ABCB11: variants seen among roughly 807,000 people sequenced by gnomAD.
ABCB11 encodes the protein bile salt export pump.
A neutral mutation model predicts 148.0 loss-of-function variants in ABCB11; 95 were observed. That is an observed-to-expected ratio of 0.64 (90% CI 0.54 to 0.76). The LOEUF is 0.76. ABCB11 is among the 30% of genes least tolerant of loss of function. The pLI, the probability that ABCB11 is intolerant of heterozygous loss-of-function variation, is 0.00. For missense variants in ABCB11, 1,523 were observed against 1,617.8 expected, an observed-to-expected ratio of 0.94 and a Z score of 1.01; for synonymous variants, 591 against 555.4, an observed-to-expected ratio of 1.06 and a Z score of -0.90.
chr2:168,956,827 G>A (rs548737331), intron 19 of ABCB11, among the ~76,000 whole-genome samples: 1 of 151,720 alleles, frequency 6.6e-6, no homozygotes, highest in African/African-American at 2.4e-5. Context: ...AAAGGCCCTA[G>A]TGGGTCAAGG....
rs369104228 is a variant in ABCB11 at position 168,923,832 on chromosome 2, G to A, written c.3766-10C>T. On this transcript the variant is annotated splice_polypyrimidine_tract_variant and intron_variant, in intron 27 of 27. Transcript: ENST00000650372. ...GAGCAACCTGCACCGTCTGCAAAGA[G>A]AAGATGGAAAGTTGATGCAAAGATG... is the stretch of plus-strand genomic sequence containing the variant. 1.1e-5 allele frequency: 18 copies of A among 1,613,606 alleles called. 1 individual carries two copies. The highest frequency in any genetic ancestry group is 9.9e-5 in the South Asian group (9 of 91,064).
chr2:168,937,849 A>C (rs759145350), intron 21 of ABCB11, among the ~76,000 whole-genome samples: 5 of 152,220 alleles, frequency 3.3e-5, no homozygotes, highest in Admixed American at 6.5e-5. Flanking sequence ...TTCAGTCCCA[A>C]TATAGATGGA....
chr2:168,920,035 T>A (rs1441772139), downstream of ABCB11, among the ~76,000 whole-genome samples: 3 of 152,072 alleles, frequency 2.0e-5, no homozygotes, highest in African/African-American at 7.2e-5. Context: ...AATTTTTGCT[T>A]TTCTTTTTTT....
At chr2:168,968,914 G>C (rs1192187943) in intron 16 of ABCB11, among the ~76,000 whole-genome samples, 2 of 151,832 alleles carry the variant, frequency 1.3e-5, no homozygotes, top group African/African-American at 4.8e-5. Context: ...AGAGTGGTTG[G>C]TTAATTTAGA....
downstream of ABCB11, among the ~76,000 whole-genome samples, chr2:168,916,083 C>T (rs771608367): frequency 2.0e-5 from 3 of 152,198 alleles, no homozygotes; most frequent in Non-Finnish European, 2.9e-5. Context: ...TAAATTTTCA[C>T]CTTCCAAGAA....
In ABCB11 at chr2:168,935,508, G is replaced by T. The variant is rs1471587618; in HGVS notation, c.2815-83C>A. 2.7e-6 allele frequency: 4 copies of T among 1,496,290 alleles called. No individual in the cohort carries two copies. In the African/African-American group the frequency reaches 5.6e-5, roughly 21 times the overall value. The allele number at this position is 1,496,290 out of a possible 1,614,324, so 92.7% of individuals were successfully genotyped here. ...ATTTCAGTGGCTGCCTGGATTAGAT[G>T]GTGCAAATGGCAGAATGTGGTACAA... On this transcript the variant is annotated intron_variant, in intron 22 of 27. Coordinates refer to ENST00000650372, the MANE Select transcript of ABCB11 (RefSeq NM_003742.4).
chr2:168,916,883 C>A (rs573106238), downstream of ABCB11, among the ~76,000 whole-genome samples: 28 of 152,182 alleles, frequency 1.8e-4, no homozygotes, highest in African/African-American at 6.3e-4. Context: ...ATAAATCAAA[C>A]CCTTAGTTGG....
Position 168,969,348 on chromosome 2 carries a change from G to T in ABCB11, c.2011+2C>A. The stretch of plus-strand genomic sequence containing the variant: ...ATACAAGTATAGGGAAAAAGCACTT[G>T]CCCTTTATGTCCTCTTCATTAAGAG... On this transcript the variant is annotated splice_donor_variant, in intron 16 of 27. Coordinates refer to ENST00000650372, the MANE Select transcript of ABCB11 (RefSeq NM_003742.4). LOFTEE classifies it high-confidence loss of function. 6.2e-7 allele frequency: 1 copy of T among 1,610,182 alleles called. No homozygotes were observed. The highest frequency in any genetic ancestry group is 8.5e-7 in the Non-Finnish European group (1 of 1,177,846).
At chr2:168,993,927 T>C (rs764319628) in intron 7 of ABCB11, 45 bp from the exon 8 acceptor site, 17 of 1,443,496 alleles carry the variant, frequency 1.2e-5, no homozygotes, top group Non-Finnish European at 1.6e-5. Context: ...AATTTGATCA[T>C]TCAAATATCT....
chr2:169,013,623 T>C (rs1266963767), intron 4 of ABCB11, 113 bp from the exon 5 acceptor site: 7 of 766,454 alleles, frequency 9.1e-6, no homozygotes, highest in Middle Eastern at 2.6e-4. Flanking sequence ...CCAAATTTCA[T>C]GGGAATCACC....
chr2:168,979,066 T>C (rs1193839454), intron 11 of ABCB11, among the ~76,000 whole-genome samples: 1 of 152,138 alleles, frequency 6.6e-6, no homozygotes, highest in African/African-American at 2.4e-5. Context: ...TGTGCTTCCA[T>C]AGACTAACCA....
In ABCB11 at chr2:168,988,507, A is replaced by G. The variant is rs1188865012; in HGVS notation, c.909-2223T>C. On this transcript the variant is annotated intron_variant, in intron 9 of 27. Coordinates refer to ENST00000650372, the MANE Select transcript of ABCB11 (RefSeq NM_003742.4). ...ATTTACACACACATTTTCTTCATTC[A>G]CTTGTCTGTTAATGGGTGCTTAGGT... Among the ~76,000 whole-genome samples the G allele has an allele frequency of 3.9e-5, 6 of 152,148 alleles. No individual in the cohort carries two copies. The East Asian group carries it at 1.2e-3, about 29-fold the overall frequency.
intron 10 of ABCB11, among the ~76,000 whole-genome samples, chr2:168,985,266 T>A (rs1694275916): frequency 6.6e-6 from 1 of 152,162 alleles, no homozygotes; most frequent in African/African-American, 2.4e-5. Flanking sequence ...GGCATGGATG[T>A]AGTGAAAAGG....
At chr2:168,991,587 CACAT>C (rs1328167021) in intron 8 of ABCB11, among the ~76,000 whole-genome samples, 1 of 151,914 alleles carries the variant, frequency 6.6e-6, no homozygotes, top group Non-Finnish European at 1.5e-5. Flanking sequence ...GAGGAAAAAA[CACAT>C]ATTGCGGAAG....
Position 169,016,807 on chromosome 2 carries a change from A to G in ABCB11, c.77-8T>C. On this transcript the variant is annotated splice_region_variant and splice_polypyrimidine_tract_variant and intron_variant, in intron 2 of 27. Transcript: ENST00000650372. ...ATTTCTTATCATTATTATCTGTCAG[A>G]AAAAAAAATCAACGCAAAAAAGCAG... The G allele has an allele frequency of 1.3e-6, 2 of 1,572,440 alleles. No individual in the cohort carries two copies. The highest frequency in any genetic ancestry group is 8.7e-7 in the Non-Finnish European group (1 of 1,155,626).
intron 19 of ABCB11, among the ~76,000 whole-genome samples, chr2:168,946,537 A>T (rs189426227): frequency 6.6e-6 from 1 of 151,960 alleles, no homozygotes; most frequent in East Asian, 1.9e-4. Context: ...TCTTCCCAGC[A>T]TAGCATAACT....
In ABCB11 at chr2:168,936,287, G is replaced by A; in HGVS notation, c.2757C>T (p.Thr919=). ...GAGAGGCAAATCCTGTCAACATCCT[G>A]GTCTGTGTGGCTCCTGATAAAGCCA... ...PFLALSGATQ[T]RMLTGFASRD... is the part of the protein sequence containing the mutation. Residue 919 remains threonine, a synonymous_variant, in exon 22 of 28, where the codon ACC becomes ACT. Coordinates refer to ENST00000650372, the MANE Select transcript of ABCB11 (RefSeq NM_003742.4). 6.2e-7 allele frequency: 1 copy of A among 1,613,888 alleles called. No homozygotes were observed. Among genetic ancestry groups the A allele is most frequent in the Non-Finnish European group, 8.5e-7 (1 of 1,179,880 alleles).
At chr2:168,927,621 G>A (rs528351258) in intron 25 of ABCB11, among the ~76,000 whole-genome samples, 11 of 152,240 alleles carry the variant, frequency 7.2e-5, no homozygotes, top group African/African-American at 1.2e-4. Flanking sequence ...TGGGGCAAAC[G>A]AGAAAGACGC....
intron 7 of ABCB11, 92 bp downstream of exon 7, chr2:168,995,257 T>C: frequency 7.1e-7 from 1 of 1,413,378 alleles, no homozygotes; most frequent in South Asian, 1.4e-5. Context: ...ATAGGAAAAC[T>C]GAAAATATTT....
Sources: gnomAD v4.1 joint callset for allele counts (sites outside exome capture counted in the v4.1 genomes callset) on GRCh38, gnomAD v4.1.1 for gene constraint, MANE v1.5 for transcripts, NCBI Gene and HGNC (gene_info 2026-07-23, HGNC 2026-07-21) for gene names.